BTBD3: variants seen among roughly 807,000 people sequenced by gnomAD.
The protein encoded by BTBD3 is BTB domain containing 3, also known as BTB/POZ domain-containing protein 3.
BTBD3 carries 14 observed loss-of-function variants against 41.6 expected under a neutral mutation model. The observed-to-expected ratio is 0.34, with a 90% CI of 0.22 to 0.53. The LOEUF (loss-of-function observed/expected upper bound fraction) is 0.53, where lower values mean the gene tolerates loss of function less well. Among genes scored for constraint, BTBD3 ranks in the 20% least tolerant of loss-of-function variants. BTBD3 has a pLI of 0.95. For synonymous variants in BTBD3, 249 were observed against 233.7 expected, an observed-to-expected ratio of 1.07 and a Z score of -0.60; for missense variants, 426 against 654.7, an observed-to-expected ratio of 0.65 and a Z score of 3.81.
intron 1 of BTBD3, among the ~76,000 whole-genome samples, chr20:11,909,113 A>G (rs2056874058): frequency 6.6e-6 from 1 of 151,998 alleles, no homozygotes; most frequent in South Asian, 2.1e-4. Context: ...CGTCTCTACT[A>G]AAAATACAAA....
chr20:11,907,478 CT>C (rs2056862062), intron 1 of BTBD3, among the ~76,000 whole-genome samples: 1 of 152,222 alleles, frequency 6.6e-6, no homozygotes, highest in Non-Finnish European at 1.5e-5. Flanking sequence ...AAGTGTTGGG[CT>C]TTAACCTCCT....
At chr20:11,891,132 G>A (rs553881139) in intron 1 of BTBD3, among the ~76,000 whole-genome samples, 100 of 150,078 alleles carry the variant, frequency 6.7e-4, no homozygotes, top group Non-Finnish European at 1.2e-3. Flanking sequence ...TCCCATATCC[G>A]TCCCCCGGGC....
Position 11,918,621 on chromosome 20 carries a change from A to C in BTBD3, c.326+20A>C. On this transcript the variant is annotated intron_variant, in intron 1 of 3. Coordinates refer to ENST00000378226, the MANE Select transcript of BTBD3 (RefSeq NM_014962.4). The stretch of plus-strand genomic sequence containing the variant: ...AGAGAGGTAAGTGCCGCGCTAGTCT[A>C]TTTACTTTAAAAGTTTTCCTGTGTT... 7 of 1,545,590 alleles carry C rather than the reference A, an allele frequency of 4.5e-6. No individual in the cohort carries two copies. The highest frequency in any genetic ancestry group is 6.1e-6 in the Non-Finnish European group (7 of 1,151,586).
chr20:11,918,526 A>T lies in BTBD3; in HGVS notation c.251A>T (p.His84Leu). ...NSSSTSVQQY[H>L]QQNLSNNNLI... ...AGCAGCACCAGCGTCCAGCAGTACC[A>T]CCAGCAGAATCTCAGTAACAACAAC... Residue 84 changes from histidine (H) to leucine (L), a missense_variant, in exon 1 of 4, where the codon CAC becomes CTC. Around this residue, in one of 3 missense-constraint regions of BTBD3, gnomAD observed 52 missense variants for 45.1 expected, o/e 1.15. Transcript: ENST00000378226. The T allele has an allele frequency of 6.2e-7, 1 of 1,614,150 alleles. No individual in the cohort carries two copies. Among genetic ancestry groups the T allele is most frequent in the South Asian group, 1.1e-5 (1 of 91,066 alleles).
intron 1 of BTBD3, among the ~76,000 whole-genome samples, chr20:11,908,697 A>T (rs542121731): frequency 6.6e-6 from 1 of 152,200 alleles, no homozygotes; most frequent in African/African-American, 2.4e-5. Flanking sequence ...CTATTTTCTT[A>T]GTTCTAATAC....
chr20:11,895,754 G>T, intron 1 of BTBD3, among the ~76,000 whole-genome samples: 1 of 152,184 alleles, frequency 6.6e-6, no homozygotes, highest in East Asian at 1.9e-4. Context: ...TGGAATTTTA[G>T]AGCTTCTCAT....
rs2056745355 is a variant in BTBD3, at chr20:11,890,865, T to TGG, written c.-215_-214insGG. ...CCCGCCGAGCCCGCCGGGCGCTGGATCTCCGAGTGCCCCGGCCGGGGCCTG... is the reference window on the plus strand; with the variant it reads ...CCCGCCGAGCCCGCCGGGCGCTGGATGGCTCCGAGTGCCCCGGCCGGGGCCTG... On this transcript the variant is annotated 5_prime_UTR_variant, in exon 1 of 5. Coordinates refer to the BTBD3 transcript ENST00000254977. 7 of 984,752 alleles carry TGG rather than the reference T, an allele frequency of 7.1e-6. No homozygotes were observed. In the South Asian group the frequency reaches 3.3e-4, roughly 46 times the overall value. The allele number at this position is 984,752 out of a possible 1,614,324, so 61.0% of individuals were successfully genotyped here.
intron 3 of BTBD3, among the ~76,000 whole-genome samples, chr20:11,920,728 T>C (rs940297053): frequency 6.6e-6 from 1 of 152,200 alleles, no homozygotes; most frequent in African/African-American, 2.4e-5. Context: ...AGGTTATCTG[T>C]TGCTCTAGGG....
chr20:11,899,140 T>C (rs970826995), intron 1 of BTBD3, among the ~76,000 whole-genome samples: 2 of 152,184 alleles, frequency 1.3e-5, no homozygotes, highest in African/African-American at 4.8e-5. Context: ...TCTTGCTGTT[T>C]GGGACATCTT....
intron 1 of BTBD3, among the ~76,000 whole-genome samples, chr20:11,898,019 G>A (rs1335634486): frequency 5.9e-5 from 9 of 152,204 alleles, no homozygotes; most frequent in Admixed American, 3.9e-4. Context: ...TTAGCCAGAC[G>A]TGATGGCATG....
chr20:11,902,962 A>G (rs897674369), intron 1 of BTBD3, among the ~76,000 whole-genome samples: 2 of 152,202 alleles, frequency 1.3e-5, no homozygotes, highest in Admixed American at 6.5e-5. Flanking sequence ...TTGTTACACA[A>G]ATCTCCAACT....
chr20:11,920,581 G>A (rs2056962514), intron 3 of BTBD3, among the ~76,000 whole-genome samples: 1 of 152,188 alleles, frequency 6.6e-6, no homozygotes, highest in Non-Finnish European at 1.5e-5. Flanking sequence ...ACAGGTTATA[G>A]AATCAGCTTC....
upstream of BTBD3, among the ~76,000 whole-genome samples, chr20:11,914,440 T>C (rs2056906280): frequency 6.6e-6 from 1 of 152,182 alleles, no homozygotes; most frequent in South Asian, 2.1e-4. Flanking sequence ...ATGGCTTCTC[T>C]TTCTAGAAAA....
chr20:11,895,076 G>A (rs1452089775), intron 1 of BTBD3, among the ~76,000 whole-genome samples: 2 of 152,074 alleles, frequency 1.3e-5, no homozygotes, highest in African/African-American at 2.4e-5. Context: ...TAGTTAGCGA[G>A]TTCTACCACC....
At position 11,924,356 on chromosome 20, in the gene BTBD3, A is replaced by G. The variant is rs975957997; in HGVS notation, c.*690A>G. 3 of 152,226 alleles carry G rather than the reference A, an allele frequency of 2.0e-5. No homozygotes were observed. The highest frequency in any genetic ancestry group is 7.2e-5 in the African/African-American group (3 of 41,456). 9.4% of individuals were successfully genotyped at this position (152,226 alleles called of 1,614,324 possible). On this transcript the variant is annotated 3_prime_UTR_variant, in exon 4 of 4. Transcript: ENST00000378226. The stretch of plus-strand genomic sequence containing the variant: ...TTTCTTTTAGTTTAGAAGACAAAAA[A>G]TTTCAATACAGATACTTCTTTTAGA...
chr20:11,918,568 A>G lies in BTBD3; in HGVS notation c.293A>G (p.Asn98Ser). The change falls in exon 1 of 4, where the codon AAC becomes AGC. Residue 98 changes from asparagine (N) to serine (S), a missense_variant. Transcript: ENST00000378226. ...LSNNNLIPAP[N>S]WQGLYPTIRE... ...AACAACAACCTTATCCCGGCCCCAA[A>G]CTGGCAGGGTCTTTATCCCACCATT... 6.2e-7 allele frequency: 1 copy of G among 1,612,218 alleles called. No individual in the cohort carries two copies. Among genetic ancestry groups the G allele is most frequent in the Non-Finnish European group, 8.5e-7 (1 of 1,179,298 alleles).
chr20:11,913,366 C>T (rs1385906261), upstream of BTBD3: 1 of 151,968 alleles, frequency 6.6e-6, no homozygotes, highest in African/African-American at 2.4e-5. Context: ...TTCCTTCCTT[C>T]CATCTCATTC....
intron 1 of BTBD3, among the ~76,000 whole-genome samples, chr20:11,903,040 G>A (rs927914204): frequency 6.6e-5 from 10 of 151,980 alleles, no homozygotes; most frequent in South Asian, 4.1e-4. Flanking sequence ...AACCCATAGC[G>A]TTCAAGGGTT....
intron 1 of BTBD3, among the ~76,000 whole-genome samples, chr20:11,896,717 T>C (rs1400851033): frequency 6.6e-6 from 1 of 152,248 alleles, no homozygotes; most frequent in Non-Finnish European, 1.5e-5. Context: ...AAGTGATCAT[T>C]AGCATCTGCA....
Sources: allele counts gnomAD v4.1 joint callset (sites outside exome capture counted in the v4.1 genomes callset), GRCh38; gene constraint gnomAD v4.1.1; regional missense constraint gnomAD v4.1.1; transcripts MANE v1.5; gene names NCBI Gene and HGNC (gene_info 2026-07-23, HGNC 2026-07-21).